Variants in TRPV4 observed in about 807,000 individuals in gnomAD.
TRPV4 encodes transient receptor potential cation channel subfamily V member 4, also known as OSM9-like transient receptor potential channel 4.
TRPV4 carries 58 observed loss-of-function variants against 84.1 expected under a neutral mutation model. That is an observed-to-expected ratio of 0.69 (90% CI 0.56 to 0.86). The LOEUF (loss-of-function observed/expected upper bound fraction) is 0.86, where lower values mean the gene tolerates loss of function less well. TRPV4 is among the 40% of genes least tolerant of loss of function. The pLI is 0.00. For missense variants in TRPV4, 879 were observed against 1,181.1 expected (o/e 0.74, Z 3.75); for synonymous variants, 489 against 500.9 (o/e 0.98, Z 0.32).
Position 109,800,747 on chromosome 12 carries a change from G to A in TRPV4, c.724C>T (p.Leu242=), listed in dbSNP as rs1038246935. ...CAGCGACGCTCAATGGCGATGTGCAGGGCTGTCTGACCTGGGGGCAGGGGA... is the reference window on the plus strand; with the variant it reads ...CAGCGACGCTCAATGGCGATGTGCAAGGCTGTCTGACCTGGGGGCAGGGGA... ...RDIYYRGQTA[L]HIAIERRCKH... is the part of the protein sequence containing the mutation. The change falls in exon 5 of 16, where the codon CTG becomes TTG. Residue 242 remains leucine (L), a synonymous_variant. Coordinates refer to ENST00000261740, the MANE Select transcript of TRPV4 (RefSeq NM_021625.5). 1.2e-6 allele frequency: 2 copies of A among 1,613,766 alleles called. No individual in the cohort carries two copies. The highest frequency in any genetic ancestry group is 2.7e-5 in the African/African-American group (2 of 74,900).
At chr12:109,801,446 T>C (rs1437033277) in intron 4 of TRPV4, among the ~76,000 whole-genome samples, 1 of 152,088 alleles carries the variant, frequency 6.6e-6, no homozygotes, top group African/African-American at 2.4e-5. Context: ...AAGGGGCTTT[T>C]CCCCCTTTTG....
At chr12:109,792,621 C>A in intron 11 of TRPV4, 31 bp downstream of exon 11, 1 of 1,613,844 alleles carries the variant, frequency 6.2e-7, no homozygotes, top group African/African-American at 1.3e-5. Flanking sequence ...TCCAGGAACA[C>A]ACGAGTCCAG....
Position 109,796,782 on chromosome 12 carries a change from C to A in TRPV4, c.1153-78G>T. On this transcript the variant is annotated intron_variant, in intron 6 of 15. Transcript: ENST00000261740. The surrounding 1 kb of genome is among the most constrained non-coding windows in gnomAD (Gnocchi z 4.2). ...GCTGGGCCCAGCTCAGCACATGACGCCTCCCCAGAAAACAGCTAAGCACCG... is the reference window on the plus strand; with the variant it reads ...GCTGGGCCCAGCTCAGCACATGACGACTCCCCAGAAAACAGCTAAGCACCG... 6.8e-7 allele frequency: 1 copy of A among 1,468,140 alleles called. No homozygotes were observed. Among genetic ancestry groups the A allele is most frequent in the Non-Finnish European group, 9.2e-7 (1 of 1,092,848 alleles). The allele number at this position is 1,468,140 out of a possible 1,614,324, so 90.9% of individuals were successfully genotyped here. A position where few individuals can be genotyped will look rare whatever the true frequency, so the allele number is the denominator to read the frequency against.
In TRPV4 at chr12:109,796,095, A is replaced by G. The variant is rs1335515369; in HGVS notation, c.1332+430T>C. ...GCTTTCAAAAGTTCATATAACAACC[A>G]TGAGTAGTAAAAGCTGACATAATGT... On this transcript the variant is annotated intron_variant, in intron 7 of 15. Coordinates refer to ENST00000261740, the MANE Select transcript of TRPV4 (RefSeq NM_021625.5). This position sits in a 1 kb window ranked among gnomAD's most constrained non-coding sequence, Gnocchi z 4.2. 6.6e-6 allele frequency among the ~76,000 whole-genome samples: 1 copy of G among 152,118 alleles called. No individual in the cohort carries two copies. Among genetic ancestry groups the G allele is most frequent in the Non-Finnish European group, 1.5e-5 (1 of 68,008 alleles).
Position 109,815,396 on chromosome 12 carries a change from C to A in TRPV4, c.-31-569G>T, listed in dbSNP as rs1471833667. 3.3e-5 allele frequency among the ~76,000 whole-genome samples: 5 copies of A among 152,244 alleles called. No individual in the cohort carries two copies. Among genetic ancestry groups the A allele is most frequent in the Non-Finnish European group, 4.4e-5 (3 of 68,044 alleles). The stretch of plus-strand genomic sequence containing the variant: ...AGGCACAGGAGGGGCTCAGAAAATC[C>A]ATGTGGACTTGCTGTGTAGGCCGGC... On this transcript the variant is annotated intron_variant, in intron 1 of 15. Coordinates refer to ENST00000261740, the MANE Select transcript of TRPV4 (RefSeq NM_021625.5). This position sits in a 1 kb window ranked among gnomAD's most constrained non-coding sequence, Gnocchi z 4.1.
chr12:109,793,355 T>C lies in TRPV4; in HGVS notation c.1658+172A>G. 1 of 665,226 alleles carries C rather than the reference T, an allele frequency of 1.5e-6. No homozygotes were observed. The highest frequency in any genetic ancestry group is 2.7e-5 in the East Asian group (1 of 36,556). 41.2% of individuals were successfully genotyped at this position (665,226 alleles called of 1,614,324 possible). ...AACTCCCTAGCAATCAGAATTTTTC[T>C]TGAACCAGAAGACCCTATTGTTTGT... is the stretch of plus-strand genomic sequence containing the variant. On this transcript the variant is annotated intron_variant, in intron 10 of 15. Coordinates refer to ENST00000261740, the MANE Select transcript of TRPV4 (RefSeq NM_021625.5). This position sits in a 1 kb window ranked among gnomAD's most constrained non-coding sequence, Gnocchi z 4.0.
chr12:109,817,491 C>T (rs1054011429), intron 1 of TRPV4, among the ~76,000 whole-genome samples: 2 of 152,314 alleles, frequency 1.3e-5, no homozygotes, highest in African/African-American at 2.4e-5. Context: ...TAGCCCTCCC[C>T]TAAGCCTGGA....
intron 1 of TRPV4, among the ~76,000 whole-genome samples, chr12:109,828,962 G>A (rs1345123098): frequency 6.6e-6 from 1 of 152,124 alleles, no homozygotes; most frequent in African/African-American, 2.4e-5. Context: ...AGGCAGGAGG[G>A]TTACTTGAGC....
chr12:109,831,693 A>C (rs561011480), intron 1 of TRPV4, among the ~76,000 whole-genome samples: 40 of 152,320 alleles, frequency 2.6e-4, no homozygotes, highest in Admixed American at 7.2e-4. Flanking sequence ...TCACCTGGGG[A>C]ATCCCAGCCA....
rs1383529814 is a variant in TRPV4 at position 109,798,905 on chromosome 12, C to T, written c.861G>A (p.Leu287=). The part of the protein sequence containing the change: ...DEGGYFYFGE[L]PLSLAACTNQ... The stretch of plus-strand genomic sequence containing the variant: ...TGGTGCAGGCAGCCAGCGACAGGGG[C>T]AGCTCCCCTGCGGGCCAGGGTGAAG... Residue 287 remains leucine (L), a synonymous_variant, in exon 6 of 16, where the codon CTG becomes CTA. Transcript: ENST00000261740. The surrounding 1 kb of genome is among the most constrained non-coding windows in gnomAD (Gnocchi z 5.0). The T allele has an allele frequency of 6.2e-7, 1 of 1,610,190 alleles. No individual in the cohort carries two copies. Among genetic ancestry groups the T allele is most frequent in the Non-Finnish European group, 8.5e-7 (1 of 1,177,634 alleles).
chr12:109,783,882 G>C lies in TRPV4; in HGVS notation c.2459-104C>G, dbSNP rs532280498. On this transcript the variant is annotated intron_variant, in intron 15 of 15. Transcript: ENST00000261740. This position sits in a 1 kb window ranked among gnomAD's most constrained non-coding sequence, Gnocchi z 4.6. ...CTGGGCACTCCACAGTGTTCTGAAG[G>C]GGGGATGTGACTATGCTCATTTTAC... is the stretch of plus-strand genomic sequence containing the variant. 9 of 1,365,948 alleles carry C rather than the reference G, an allele frequency of 6.6e-6. No homozygotes were observed. The African/African-American group carries it at 8.5e-5, about 13-fold the overall frequency. The allele number at this position is 1,365,948 out of a possible 1,614,324, so 84.6% of individuals were successfully genotyped here. A position where few individuals can be genotyped will look rare whatever the true frequency, so the allele number is the denominator to read the frequency against.
chr12:109,793,361 C>T lies in TRPV4; in HGVS notation c.1658+166G>A, dbSNP rs888581401. ...CTAGCAATCAGAATTTTTCTTGAAC[C>T]AGAAGACCCTATTGTTTGTGGCTTT... On this transcript the variant is annotated intron_variant, in intron 10 of 15. Coordinates refer to ENST00000261740, the MANE Select transcript of TRPV4 (RefSeq NM_021625.5). The surrounding 1 kb of genome is among the most constrained non-coding windows in gnomAD (Gnocchi z 4.0). The T allele has an allele frequency of 2.5e-5, 17 of 684,526 alleles. No individual in the cohort carries two copies. In the African/African-American group the frequency reaches 2.7e-4, roughly 11 times the overall value. The allele number at this position is 684,526 out of a possible 1,614,324, so 42.4% of individuals were successfully genotyped here.
At chr12:109,831,175 A>G (rs1892400275) in intron 1 of TRPV4, among the ~76,000 whole-genome samples, 1 of 152,232 alleles carries the variant, frequency 6.6e-6, no homozygotes, top group African/African-American at 2.4e-5. Context: ...TCTCTGCTCT[A>G]TAAACCCCAG....
intron 3 of TRPV4, among the ~76,000 whole-genome samples, chr12:109,805,426 G>T (rs568885842): frequency 6.6e-6 from 1 of 152,346 alleles, no homozygotes; most frequent in African/African-American, 2.4e-5. Flanking sequence ...TCTTCCCAGA[G>T]ATGAGGTGGA....
At chr12:109,787,652 G>A (rs950516483) in intron 13 of TRPV4, among the ~76,000 whole-genome samples, 1 of 152,178 alleles carries the variant, frequency 6.6e-6, no homozygotes, top group Non-Finnish European at 1.5e-5. Context: ...AAGCAATATA[G>A]ATAAAGGTTA....
chr12:109,791,993 G>T (rs1890067081), intron 12 of TRPV4, among the ~76,000 whole-genome samples: 1 of 151,662 alleles, frequency 6.6e-6, no homozygotes, highest in Non-Finnish European at 1.5e-5. Context: ...CATTTTGGGA[G>T]GCCAAGGAGG....
chr12:109,802,999 T>C lies in TRPV4; in HGVS notation c.704A>G (p.Tyr235Cys), dbSNP rs754848195. 33 of 1,613,892 alleles carry C rather than the reference T, an allele frequency of 2.0e-5. No individual in the cohort carries two copies. The highest frequency in any genetic ancestry group is 2.7e-5 in the Non-Finnish European group (32 of 1,180,010). The change falls in exon 4 of 16, where the codon TAC becomes TGC. Residue 235 changes from tyrosine (Y) to cysteine (C), a missense_variant. Tyr to Cys is a radical substitution (Grantham distance 194, BLOSUM62 -2). Coordinates refer to ENST00000261740, the MANE Select transcript of TRPV4 (RefSeq NM_021625.5). ...CCAGCCCGGGGCCCCACCTCGATAGTAGATGTCACGGAAGGGCGAGTTAAT... is the reference window on the plus strand; with the variant it reads ...CCAGCCCGGGGCCCCACCTCGATAGCAGATGTCACGGAAGGGCGAGTTAAT... ...EFINSPFRDIYYRGQTALHIA... is the reference protein window; with the variant it reads ...EFINSPFRDICYRGQTALHIA...
At chr12:109,826,917 C>A (rs898786733) in intron 1 of TRPV4, among the ~76,000 whole-genome samples, 2 of 152,196 alleles carry the variant, frequency 1.3e-5, no homozygotes, top group Non-Finnish European at 2.9e-5. Context: ...TGATGTCACT[C>A]GGACAAAAGC....
chr12:109,823,294 A>C (rs1892161348), intron 1 of TRPV4, among the ~76,000 whole-genome samples: 1 of 152,050 alleles, frequency 6.6e-6, no homozygotes, highest in South Asian at 2.1e-4. Flanking sequence ...CTGGGCCCCC[A>C]CCCCATGCAC....
Sources: gnomAD v4.1 joint callset for allele counts (sites outside exome capture counted in the v4.1 genomes callset) on GRCh38, gnomAD v4.1.1 for gene constraint, Gnocchi (gnomAD v3.1) non-coding constraint, MANE v1.5 for transcripts, NCBI Gene and HGNC (gene_info 2026-07-23, HGNC 2026-07-21) for gene names.